IQSEC3: variants seen among roughly 807,000 people sequenced by gnomAD.
The protein encoded by IQSEC3 is IQ motif and Sec7 domain ArfGEF 3.
IQSEC3 carries 50 observed loss-of-function variants against 105.4 expected under a neutral mutation model. The observed-to-expected ratio is 0.47, with a 90% CI of 0.38 to 0.60. The LOEUF is 0.60. IQSEC3 is among the 20% of genes least tolerant of loss of function. IQSEC3 has a pLI of 0.00. For missense variants in IQSEC3, 1,415 were observed against 1,630.0 expected (o/e 0.87, Z 2.27); for synonymous variants, 708 against 746.0 (o/e 0.95, Z 0.83).
At chr12:174,536 T>C in intron 13 of IQSEC3, 63 bp from the exon 14 acceptor site, 2 of 1,431,152 alleles carry the variant, frequency 1.4e-6, no homozygotes, top group Non-Finnish European at 1.8e-6. Context: ...CAGGGCAGCC[T>C]GTCCTAGCAG....
At chr12:125,978 G>A (rs1359331404) in intron 3 of IQSEC3, 66 bp downstream of exon 3, 40 of 1,444,868 alleles carry the variant, frequency 2.8e-5, no homozygotes, top group South Asian at 3.8e-5. Flanking sequence ...GGCTGTCGAG[G>A]GTACCAGGGA....
chr12:125,480 C>T lies in IQSEC3; in HGVS notation c.624-153C>T, dbSNP rs1591684507. Among the ~76,000 whole-genome samples, 4 of 152,268 alleles carry T rather than the reference C, an allele frequency of 2.6e-5. 1 individual carries two copies. The highest frequency in any genetic ancestry group is 2.6e-4 in the Admixed American group (4 of 15,300). On this transcript the variant is annotated intron_variant, in intron 2 of 13. Coordinates refer to ENST00000538872, the MANE Select transcript of IQSEC3 (RefSeq NM_001170738.2). ...CCAGGGCTCATCCCTGCCATGGTAG[C>T]CCCTCCCTAGAGGAGACTGTGAAAG...
chr12:101,109 C>T (rs1864407927), intron 2 of IQSEC3, among the ~76,000 whole-genome samples: 1 of 152,198 alleles, frequency 6.6e-6, no homozygotes, highest in Non-Finnish European at 1.5e-5. Flanking sequence ...GAAGCCCAGG[C>T]CTGGCAGGGG....
intron 2 of IQSEC3, among the ~76,000 whole-genome samples, chr12:109,147 G>GT (rs1475764478): frequency 6.6e-6 from 1 of 152,196 alleles, no homozygotes; most frequent in Non-Finnish European, 1.5e-5. Flanking sequence ...GGGTTATTAA[G>GT]TTTTTTTAAC....
chr12:137,132 G>A (rs1364545317), intron 3 of IQSEC3, among the ~76,000 whole-genome samples: 2 of 151,806 alleles, frequency 1.3e-5, no homozygotes, highest in Non-Finnish European at 2.9e-5. Flanking sequence ...GTGGCCTGGA[G>A]GGACCCCCAT....
At chr12:161,006 C>T (rs571234599) in intron 7 of IQSEC3, among the ~76,000 whole-genome samples, 4 of 152,122 alleles carry the variant, frequency 2.6e-5, no homozygotes, top group Non-Finnish European at 4.4e-5. Context: ...TTTTCTCACC[C>T]GCCGCCTGAT....
intron 1 of IQSEC3, among the ~76,000 whole-genome samples, chr12:83,809 A>G (rs2136889048): frequency 6.6e-6 from 1 of 152,202 alleles, no homozygotes; most frequent in East Asian, 1.9e-4. Flanking sequence ...GGAGCCCCGG[A>G]GCGCCGTGCA....
chr12:89,241 C>T lies in IQSEC3; in HGVS notation c.555-9905C>T, dbSNP rs146492617. Among the ~76,000 whole-genome samples the T allele has an allele frequency of 2.7e-3, 418 of 152,084 alleles. 3 individuals carry two copies. Among genetic ancestry groups the T allele is most frequent in the African/African-American group, 9.6e-3 (398 of 41,464 alleles). Reference sequence around the variant, plus strand: ...TGGACTCCTTTGGCTCAGTGATGAACCATCTAGTCTCTGAAAATACAATCT... The same window carrying T: ...TGGACTCCTTTGGCTCAGTGATGAATCATCTAGTCTCTGAAAATACAATCT... On this transcript the variant is annotated intron_variant, in intron 1 of 13. Coordinates refer to ENST00000538872, the MANE Select transcript of IQSEC3 (RefSeq NM_001170738.2).
chr12:71,998 C>T (rs574357959), intron 1 of IQSEC3, among the ~76,000 whole-genome samples: 1 of 152,408 alleles, frequency 6.6e-6, no homozygotes, highest in East Asian at 1.9e-4. Flanking sequence ...GGCCACTGCT[C>T]TTCCTTTCTT....
chr12:175,004 T>A lies in IQSEC3; in HGVS notation c.3520T>A (p.Tyr1174Asn). 6.6e-7 allele frequency: 1 copy of A among 1,521,090 alleles called. No individual in the cohort carries two copies. Among genetic ancestry groups the A allele is most frequent in the African/African-American group, 1.4e-5 (1 of 69,008 alleles). The allele number at this position is 1,521,090 out of a possible 1,614,324, so 94.2% of individuals were successfully genotyped here. ...AGGCTCCCTGCTGCACGGGCACCGC[T>A]ACTCCAGTGGCTCAAGGAGCCTGGT... ...PPGSLLHGHR[Y>N]SSGSRSLV The change falls in exon 14 of 14, where the codon TAC becomes AAC. Residue 1174 changes from tyrosine (Y) to asparagine (N), a missense_variant. Coordinates refer to ENST00000538872, the MANE Select transcript of IQSEC3 (RefSeq NM_001170738.2).
intron 2 of IQSEC3, among the ~76,000 whole-genome samples, chr12:113,814 A>G (rs1864967867): frequency 6.6e-6 from 1 of 152,272 alleles, no homozygotes; most frequent in African/African-American, 2.4e-5. Flanking sequence ...AATGAGCACC[A>G]CATGGTTTTG....
intron 2 of IQSEC3, among the ~76,000 whole-genome samples, chr12:120,280 G>A (rs1865175530): frequency 6.6e-6 from 1 of 152,214 alleles, no homozygotes; most frequent in South Asian, 2.1e-4. Flanking sequence ...GGAGTGGATG[G>A]AAGGCATCTC....
chr12:98,522 G>T (rs1233552939), intron 1 of IQSEC3, among the ~76,000 whole-genome samples: 1 of 152,210 alleles, frequency 6.6e-6, no homozygotes, highest in Non-Finnish European at 1.5e-5. Flanking sequence ...GCCCAGAAAA[G>T]GTTAGCCTCG....
chr12:127,703 T>G (rs1035374327), intron 3 of IQSEC3, among the ~76,000 whole-genome samples: 2 of 152,198 alleles, frequency 1.3e-5, no homozygotes, highest in African/African-American at 4.8e-5. Context: ...TCATGTCCTT[T>G]GCCCACTTTT....
intron 9 of IQSEC3, among the ~76,000 whole-genome samples, chr12:164,429 C>G (rs1867073593): frequency 6.6e-6 from 1 of 152,090 alleles, no homozygotes; most frequent in Non-Finnish European, 1.5e-5. Flanking sequence ...GCCTCCCCGC[C>G]CTCTCCTCAG....
rs782303410 is a variant in IQSEC3, at chr12:139,234, C to T, written c.1871C>T (p.Ala624Val). 3 of 1,607,248 alleles carry T rather than the reference C, an allele frequency of 1.9e-6. No homozygotes were observed. The highest frequency in any genetic ancestry group is 2.3e-5 in the East Asian group (1 of 44,122). The part of the protein sequence containing the change: ...SASASKDALQ[A>V]MILSLPRYHC... ...TCCGCCTCCAAGGACGCCCTGCAGG[C>T]CATGATCCTGAGCCTGCCGCGCTAC... The change falls in exon 4 of 14, where the codon GCC becomes GTC. Residue 624 changes from alanine (A) to valine (V), a missense_variant. Physicochemically the swap from Ala to Val is moderately conservative, Grantham distance 64 (BLOSUM62 0). This residue lies in a region of IQSEC3 where 720 missense variants were observed against 633.0 expected (regional missense o/e 1.14). Coordinates refer to ENST00000538872, the MANE Select transcript of IQSEC3 (RefSeq NM_001170738.2).
rs564896313 is a variant in IQSEC3, at chr12:152,739, G to A, written c.2154-4286G>A. Among the ~76,000 whole-genome samples, 4 of 152,246 alleles carry A rather than the reference G, an allele frequency of 2.6e-5. No homozygotes were observed. The East Asian group carries it at 7.7e-4, about 29-fold the overall frequency. On this transcript the variant is annotated intron_variant, in intron 5 of 13. Coordinates refer to ENST00000538872, the MANE Select transcript of IQSEC3 (RefSeq NM_001170738.2). The surrounding 1 kb of genome is among the most constrained non-coding windows in gnomAD (Gnocchi z 4.8). ...GGAGTGAAGAGAAGAGAGCCCAGTG[G>A]GGCAGGGAGAGGCCTCACAAGATTA...
chr12:166,346 T>G (rs1244752290), intron 11 of IQSEC3: 2 of 164,572 alleles, frequency 1.2e-5, no homozygotes, highest in African/African-American at 4.8e-5. Flanking sequence ...CTCCACTTCA[T>G]TTTTTTTAAA....
chr12:114,368 G>A (rs564565289), intron 2 of IQSEC3, among the ~76,000 whole-genome samples: 24 of 152,210 alleles, frequency 1.6e-4, no homozygotes, highest in Non-Finnish European at 3.1e-4. Context: ...CCATACCAGG[G>A]GCTCTGGCAA....
Sources: allele counts gnomAD v4.1 joint callset (sites outside exome capture counted in the v4.1 genomes callset), GRCh38; gene constraint gnomAD v4.1.1; regional missense constraint gnomAD v4.1.1; non-coding constraint Gnocchi (gnomAD v3.1); transcripts MANE v1.5; gene names NCBI Gene and HGNC (gene_info 2026-07-23, HGNC 2026-07-21).